PRKAG2: variants seen among roughly 807,000 people sequenced by gnomAD.
PRKAG2 encodes protein kinase AMP-activated non-catalytic subunit gamma 2.
Under a neutral mutation model 69.6 loss-of-function variants are expected in PRKAG2, and 26 were observed. That is an observed-to-expected ratio of 0.37 (90% CI 0.27 to 0.52). The LOEUF (loss-of-function observed/expected upper bound fraction) is 0.52. Ranked by LOEUF, PRKAG2 falls within the 20% of genes least tolerant of loss-of-function variation. The pLI, the probability that PRKAG2 is intolerant of heterozygous loss-of-function variation, is 0.90. For synonymous variants in PRKAG2, 293 were observed against 285.0 expected, an observed-to-expected ratio of 1.03 and a Z score of -0.28; for missense variants, 557 against 740.0, an observed-to-expected ratio of 0.75 and a Z score of 2.87.
chr7:151,592,425 C>T (rs1037047003), intron 6 of PRKAG2, among the ~76,000 whole-genome samples: 10 of 152,182 alleles, frequency 6.6e-5, no homozygotes, highest in Admixed American at 2.6e-4. Context: ...GGAGTCCAGT[C>T]GGCCTCTCAA....
Position 151,788,116 on chromosome 7 carries a change from C to G in PRKAG2, c.115-1575G>C, listed in dbSNP as rs2077102941. ...GCTTTCAATTCTTTCCAGTTATCCC[C>G]AGAAGTGGAACTGCTGGACATCAGG... On this transcript the variant is annotated intron_variant, in intron 1 of 15. Transcript: ENST00000287878. The surrounding 1 kb of genome is among the most constrained non-coding windows in gnomAD (Gnocchi z 4.6). 6.6e-6 allele frequency among the ~76,000 whole-genome samples: 1 copy of G among 152,220 alleles called. No homozygotes were observed. Among genetic ancestry groups the G allele is most frequent in the Middle Eastern group, 3.2e-3 (1 of 316 alleles).
At chr7:151,748,941 C>T (rs927040590) in intron 3 of PRKAG2, among the ~76,000 whole-genome samples, 5 of 146,484 alleles carry the variant, frequency 3.4e-5, no homozygotes, top group Admixed American at 6.7e-5. Flanking sequence ...GCTAATCATT[C>T]GCCAAAATTT....
intron 1 of PRKAG2, among the ~76,000 whole-genome samples, chr7:151,789,233 G>T (rs2077157290): frequency 1.3e-5 from 2 of 152,152 alleles, no homozygotes; most frequent in Non-Finnish European, 2.9e-5. Context: ...TGAATCTATA[G>T]ACCACTTTGG....
At chr7:151,798,196 G>C (rs1295069722) in intron 1 of PRKAG2, among the ~76,000 whole-genome samples, 1 of 152,080 alleles carries the variant, frequency 6.6e-6, no homozygotes, top group Non-Finnish European at 1.5e-5. Context: ...TAGAGATGGG[G>C]TTTCACCATG....
Position 151,638,980 on chromosome 7 carries a change from C to T in PRKAG2, c.685-6842G>A, listed in dbSNP as rs1343320453. On this transcript the variant is annotated intron_variant, in intron 4 of 15. Transcript: ENST00000287878. The surrounding 1 kb of genome is among the most constrained non-coding windows in gnomAD (Gnocchi z 4.3). ...GCGTCCTCCAAAGAGTAAAGAACGACGTGAAACCCCCTGGATGCTGGACAG... is the reference window on the plus strand; with the variant it reads ...GCGTCCTCCAAAGAGTAAAGAACGATGTGAAACCCCCTGGATGCTGGACAG... 2.0e-5 allele frequency among the ~76,000 whole-genome samples: 3 copies of T among 152,186 alleles called. No individual in the cohort carries two copies. The highest frequency in any genetic ancestry group is 4.4e-5 in the Non-Finnish European group (3 of 68,026).
chr7:151,815,809 C>T (rs1446013493), intron 1 of PRKAG2, among the ~76,000 whole-genome samples: 1 of 152,178 alleles, frequency 6.6e-6, no homozygotes, highest in East Asian at 1.9e-4. Flanking sequence ...CATTTCAGAA[C>T]CCCGCCGTGT....
chr7:151,591,982 G>A (rs1480136945), intron 6 of PRKAG2, among the ~76,000 whole-genome samples: 4 of 152,124 alleles, frequency 2.6e-5, no homozygotes, highest in African/African-American at 9.7e-5. Context: ...TCACGAACAG[G>A]GAACTACTAG....
At chr7:151,831,655 C>T (rs1008428608) in intron 1 of PRKAG2, among the ~76,000 whole-genome samples, 11 of 152,160 alleles carry the variant, frequency 7.2e-5, no homozygotes, top group South Asian at 2.1e-4. Context: ...GGCAGGAAAA[C>T]GTGTTCTGAT....
intron 1 of PRKAG2, among the ~76,000 whole-genome samples, chr7:151,830,848 ATGT>A (rs2079009920): frequency 6.6e-6 from 1 of 151,672 alleles, no homozygotes; most frequent in African/African-American, 2.4e-5. Context: ...TATTCTACAC[ATGT>A]TGTGCTCTCT....
chr7:151,876,065 G>GCCCCTCCCCTCTCCTCCCT (rs1213695052), intron 1 of PRKAG2, among the ~76,000 whole-genome samples: 10 of 10,974 alleles, frequency 9.1e-4, no homozygotes, highest in East Asian at 6.8e-3. Flanking sequence ...CCCACCCACC[G>GCCCCTCCCCTCTCCTCCCT]CCCCTCCCCT....
chr7:151,572,853 C>A, intron 8 of PRKAG2, 144 bp from the exon 9 acceptor site: 1 of 550,182 alleles, frequency 1.8e-6, no homozygotes, highest in Non-Finnish European at 3.2e-6. Context: ...TTGCTCATGC[C>A]TGTAATCTCA....
At position 151,632,303 on chromosome 7, in the gene PRKAG2, C is replaced by T. The variant is rs1824786071; in HGVS notation, c.685-165G>A. 1 of 915,314 alleles carries T rather than the reference C, an allele frequency of 1.1e-6. No homozygotes were observed. The highest frequency in any genetic ancestry group is 1.3e-6 in the Non-Finnish European group (1 of 767,976). 56.7% of individuals were successfully genotyped at this position (915,314 alleles called of 1,614,324 possible). On this transcript the variant is annotated intron_variant, in intron 4 of 15. Transcript: ENST00000287878. The surrounding 1 kb of genome is among the most constrained non-coding windows in gnomAD (Gnocchi z 4.2). ...GGGGGCCGGGGGCGGAGCGGGAGCG[C>T]TGCCCCCACCCGCCCGAGGCCGCCG...
chr7:151,576,380 T>G lies in PRKAG2; in HGVS notation c.937A>C (p.Ser313Arg), dbSNP rs768031903. The change falls in exon 7 of 16, where the codon AGT becomes CGT. Residue 313 changes from serine (S) to arginine (R), a missense_variant. Physicochemically the swap from Ser to Arg is moderately radical, Grantham distance 110 (BLOSUM62 -1). Around this residue, in one of 2 missense-constraint regions of PRKAG2, gnomAD observed 205 missense variants for 383.4 expected, o/e 0.53. Coordinates refer to ENST00000287878, the MANE Select transcript of PRKAG2 (RefSeq NM_016203.4). ...GGCCCACACTGCTTACCTACAAAAC[T>G]TTGTTTTTTACTCTCCCACAGTGGC... ...AAPLWESKKQ[S>R]FVGMLTITDF... 6.2e-7 allele frequency: 1 copy of G among 1,606,344 alleles called. No individual in the cohort carries two copies. Among genetic ancestry groups the G allele is most frequent in the Non-Finnish European group, 8.5e-7 (1 of 1,173,008 alleles).
At position 151,836,903 on chromosome 7, in the gene PRKAG2, C is replaced by T. The variant is rs532335940; in HGVS notation, c.114+39604G>A. On this transcript the variant is annotated intron_variant, in intron 1 of 15. Coordinates refer to ENST00000287878, the MANE Select transcript of PRKAG2 (RefSeq NM_016203.4). The surrounding 1 kb of genome is among the most constrained non-coding windows in gnomAD (Gnocchi z 4.1). ...AGCAGAACAGAGTGAGCACTCCAGA[C>T]GCGAAAGGGCCCGGCCCAGCCAGCT... Among the ~76,000 whole-genome samples, 96 of 152,312 alleles carry T rather than the reference C, an allele frequency of 6.3e-4. No individual in the cohort carries two copies. Among genetic ancestry groups the T allele is most frequent in the Middle Eastern group, 3.4e-3 (1 of 294 alleles).
intron 15 of PRKAG2, chr7:151,558,798 G>C: frequency 1.0e-6 from 1 of 985,418 alleles, no homozygotes; most frequent in Non-Finnish European, 1.2e-6. Flanking sequence ...GCAGTGATGG[G>C]AGGGGCATTG....
chr7:151,691,529 G>A (rs1430731446), intron 3 of PRKAG2, among the ~76,000 whole-genome samples: 2 of 148,254 alleles, frequency 1.3e-5, no homozygotes, highest in African/African-American at 2.5e-5. Context: ...ACATACTTCA[G>A]CAAAGAAGAT....
At chr7:151,726,138 G>A (rs1397873549) in intron 3 of PRKAG2, among the ~76,000 whole-genome samples, 1 of 152,140 alleles carries the variant, frequency 6.6e-6, no homozygotes, top group African/African-American at 2.4e-5. Context: ...CAGCATCTAA[G>A]TCCTGCTAGT....
At chr7:151,797,689 G>C (rs1423324892) in intron 1 of PRKAG2, among the ~76,000 whole-genome samples, 4 of 152,192 alleles carry the variant, frequency 2.6e-5, no homozygotes, top group African/African-American at 9.7e-5. Context: ...TAGATCAAAA[G>C]GTACAGGGAG....
intron 3 of PRKAG2, among the ~76,000 whole-genome samples, chr7:151,728,314 G>A (rs1798338975): frequency 1.3e-5 from 2 of 152,200 alleles, no homozygotes; most frequent in South Asian, 2.1e-4. Flanking sequence ...CCGCAGGGCA[G>A]AATTCATCTT....
Sources: gnomAD v4.1 joint callset for allele counts (sites outside exome capture counted in the v4.1 genomes callset) on GRCh38, gnomAD v4.1.1 for gene constraint, gnomAD v4.1.1 regional missense constraint, Gnocchi (gnomAD v3.1) non-coding constraint, MANE v1.5 for transcripts, NCBI Gene and HGNC (gene_info 2026-07-23, HGNC 2026-07-21) for gene names.